The following LRRC71 variants were observed in gnomAD, a reference collection of about 807,000 sequenced individuals.
LRRC71 encodes leucine rich repeat containing 71.
In LRRC71, 54 loss-of-function variants were observed where a neutral mutation model predicts 66.6. The observed-to-expected ratio is 0.81, with a 90% CI of 0.65 to 1.02. The LOEUF (loss-of-function observed/expected upper bound fraction) is 1.02, where lower values mean the gene tolerates loss of function less well. Among genes scored for constraint, LRRC71 ranks in the 50% least tolerant of loss-of-function variants. The pLI is 0.00. For missense variants in LRRC71, 724 were observed against 718.0 expected (o/e 1.01, Z -0.10); for synonymous variants, 323 against 303.9 (o/e 1.06, Z -0.65).
chr1:156,935,977 A>G (rs1256188132), downstream of LRRC71: 19 of 1,605,562 alleles, frequency 1.2e-5, no homozygotes, highest in South Asian at 2.0e-4. Flanking sequence ...GTGGGGACGC[A>G]GAGGATTTGG....
In LRRC71 at chr1:156,920,694, C is replaced by G. The variant is rs967133273; in HGVS notation, c.-110C>G. On this transcript the variant is annotated 5_prime_UTR_variant, in exon 1 of 15. Transcript: ENST00000337428. The surrounding 1 kb of genome is among the most constrained non-coding windows in gnomAD (Gnocchi z 4.9). ...GGACGGGTCGGATCCGGTCCCTGGACGCGGAACAGAGATCCCCTGATTCAG... is the reference window on the plus strand; with the variant it reads ...GGACGGGTCGGATCCGGTCCCTGGAGGCGGAACAGAGATCCCCTGATTCAG... 3 of 1,267,724 alleles carry G rather than the reference C, an allele frequency of 2.4e-6. No homozygotes were observed. The highest frequency in any genetic ancestry group is 1.6e-5 in the African/African-American group (1 of 64,368). 78.5% of individuals were successfully genotyped at this position (1,267,724 alleles called of 1,614,324 possible).
chr1:156,936,480 G>GAAAAAAAA (rs35863393), downstream of LRRC71, among the ~76,000 whole-genome samples: 12 of 48,016 alleles, frequency 2.5e-4, no homozygotes, highest in African/African-American at 1.3e-3. Flanking sequence ...CAAATAAATA[G>GAAAAAAAA]AAAAAAAAAA....
chr1:156,937,011 A>T, downstream of LRRC71: 1 of 1,611,280 alleles, frequency 6.2e-7, no homozygotes, highest in Non-Finnish European at 8.5e-7. Flanking sequence ...ATATCCTGGA[A>T]GAGTCGGCGG....
chr1:156,937,393 C>A (rs549885681), downstream of LRRC71: 3 of 1,601,850 alleles, frequency 1.9e-6, no homozygotes, highest in East Asian at 6.7e-5. Flanking sequence ...GCTCTGTCTG[C>A]CCTGCAGGGA....
chr1:156,936,495 AAAATAT>A (rs1232405676), downstream of LRRC71, among the ~76,000 whole-genome samples: 47 of 57,096 alleles, frequency 8.2e-4, 1 homozygote, highest in Middle Eastern at 7.6e-3. Context: ...AAAAAAAAAA[AAAATAT>A]ATATATATAT....
chr1:156,928,450 CTCT>C (rs59190311), intron 9 of LRRC71, among the ~76,000 whole-genome samples: 46,420 of 136,682 alleles, frequency 0.34, 8,380 homozygotes, highest in East Asian at 0.53. Context: ...CTTCCTCCTC[CTCT>C]TCTTCTCCTT....
rs746273615 is a variant in LRRC71 at position 156,925,003 on chromosome 1, C to T, written c.581C>T (p.Ser194Leu). Residue 194 changes from serine to leucine, a missense_variant, in exon 5 of 15, where the codon TCA (serine) becomes TTA (leucine). Physicochemically the swap from Ser to Leu is moderately radical, Grantham distance 145. Transcript: ENST00000337428. ...TTCATCGAGCTCCTGCCTCTCTGTT[C>T]ATCCACGCTCAGGTCAGCAGACTGG... ...TTFIELLPLC[S>L]STLRKVSLEG... The T allele has an allele frequency of 1.9e-6, 3 of 1,551,610 alleles. No homozygotes were observed. The highest frequency in any genetic ancestry group is 2.7e-5 in the African/African-American group (2 of 73,048).
chr1:156,924,417 C>T lies in LRRC71; in HGVS notation c.311-7C>T. ...TGTTCCCCTCCCTCCTCACCTCTGC[C>T]TTCCAGACGATCCGCGGCTGTCGGG... On this transcript the variant is annotated splice_polypyrimidine_tract_variant and splice_region_variant and intron_variant, in intron 2 of 14. Transcript: ENST00000337428. 6.5e-7 allele frequency: 1 copy of T among 1,549,668 alleles called. No homozygotes were observed. Among genetic ancestry groups the T allele is most frequent in the South Asian group, 1.2e-5 (1 of 84,048 alleles).
intron 6 of LRRC71, 63 bp downstream of exon 6, chr1:156,927,333 G>T (rs1196605600): frequency 1.9e-6 from 3 of 1,581,942 alleles, no homozygotes; most frequent in Non-Finnish European, 1.7e-6. Context: ...GCCATTTTTA[G>T]TCCCCGCCCT....
chr1:156,924,225 G>A, intron 2 of LRRC71, 127 bp downstream of exon 2: 7 of 1,261,172 alleles, frequency 5.6e-6, no homozygotes, highest in Non-Finnish European at 7.6e-6. Flanking sequence ...GGTATTCGAC[G>A]AGGCCGGTGG....
At chr1:156,923,860 T>C (rs1455844298) in intron 1 of LRRC71, 89 bp from the exon 2 acceptor site, 4 of 1,326,638 alleles carry the variant, frequency 3.0e-6, no homozygotes, top group Non-Finnish European at 4.0e-6. Flanking sequence ...AATATCCGTC[T>C]GAGGAGGGCC....
At position 156,932,462 on chromosome 1, in the gene LRRC71, G is replaced by T. The variant is rs367820195; in HGVS notation, c.1480G>T (p.Ala494Ser). The change falls in exon 14 of 15, where the codon GCC becomes TCC. Residue 494 changes from alanine to serine, a missense_variant. Physicochemically the swap from Ala to Ser is moderately conservative, Grantham distance 99. Coordinates refer to ENST00000337428, the MANE Select transcript of LRRC71 (RefSeq NM_144702.3). ...AGAGGTGGGGCTGGAGGGCTTCCTC[G>T]CCACGGTGCAGTATCAGATGCAGTT... ...ITEVGLEGFL[A>S]TVQYQMQFSK... 6.2e-7 allele frequency: 1 copy of T among 1,613,792 alleles called. No homozygotes were observed. The highest frequency in any genetic ancestry group is 2.2e-5 in the East Asian group (1 of 44,882).
intron 5 of LRRC71, among the ~76,000 whole-genome samples, chr1:156,926,084 A>G (rs1653150943): frequency 6.6e-6 from 1 of 152,236 alleles, no homozygotes; most frequent in Non-Finnish European, 1.5e-5. Context: ...CCATTAGTTC[A>G]GTTTTTGCTG....
At chr1:156,927,866 C>T (rs1459159327) in intron 8 of LRRC71, 49 bp from the exon 9 acceptor site, 2 of 1,610,912 alleles carry the variant, frequency 1.2e-6, no homozygotes, top group South Asian at 1.1e-5. Flanking sequence ...CCGAGGGAGC[C>T]GACCCTGACT....
At chr1:156,935,549 C>T (rs1654894752), downstream of LRRC71, 1 of 160,008 alleles carries the variant, frequency 6.2e-6, no homozygotes, top group Non-Finnish European at 1.4e-5. Flanking sequence ...TTATAGGAAA[C>T]CAAAGTGACA....
Position 156,924,959 on chromosome 1 carries a change from C to A in LRRC71, c.537C>A (p.Thr179=). The change falls in exon 5 of 15, where the codon ACC becomes ACA. Residue 179 remains threonine (T), a synonymous_variant. Transcript: ENST00000337428. ...QAINLWKVGL[T]DKTLTTFIEL... Reference sequence around the variant, plus strand: ...ACAGCTTGTGGAAGGTGGGGCTGACCGATAAGACCCTGACCACCTTCATCG... The same window carrying A: ...ACAGCTTGTGGAAGGTGGGGCTGACAGATAAGACCCTGACCACCTTCATCG... 2 of 1,551,640 alleles carry A rather than the reference C, an allele frequency of 1.3e-6. No homozygotes were observed. Among genetic ancestry groups the A allele is most frequent in the South Asian group, 1.2e-5 (1 of 84,050 alleles).
chr1:156,924,952 G>A lies in LRRC71; in HGVS notation c.530G>A (p.Gly177Glu), dbSNP rs1652972863. The change falls in exon 5 of 15, where the codon GGG becomes GAG. Residue 177 changes from glycine (G) to glutamate (E), a missense_variant. By Grantham distance (98) the Gly-to-Glu change is moderately conservative. Transcript: ENST00000337428. ...QLQAINLWKVGLTDKTLTTFI... is the reference protein window; with the variant it reads ...QLQAINLWKVELTDKTLTTFI... ...GCCCACGACAGCTTGTGGAAGGTGG[G>A]GCTGACCGATAAGACCCTGACCACC... 6.4e-7 allele frequency: 1 copy of A among 1,551,678 alleles called. No homozygotes were observed. The highest frequency in any genetic ancestry group is 8.7e-7 in the Non-Finnish European group (1 of 1,146,984).
chr1:156,929,395 CT>C lies in LRRC71; in HGVS notation c.1113del (p.Lys372ArgfsTer44). 6.2e-7 allele frequency: 1 copy of C among 1,613,890 alleles called. No homozygotes were observed. Among genetic ancestry groups the C allele is most frequent in the Non-Finnish European group, 8.5e-7 (1 of 1,179,868 alleles). On this transcript the variant is annotated frameshift_variant, in exon 10 of 15. Coordinates refer to ENST00000337428, the MANE Select transcript of LRRC71 (RefSeq NM_144702.3). LOFTEE classifies it high-confidence loss of function. ...KTDKTQTMKT[P>X]KGLGKKKEKS... ...GACAAGACGCAGACAATGAAAACCC[CT>C]AAGGGCCTGGGCAAGAAAAAGGAGA...
chr1:156,927,302 G>A (rs1383246279), intron 6 of LRRC71, 32 bp downstream of exon 6: 8 of 1,605,044 alleles, frequency 5.0e-6, no homozygotes, highest in Non-Finnish European at 6.0e-6. Context: ...CCCTTTCTCT[G>A]GGCCTGTCTC....
Sources: allele counts gnomAD v4.1 joint callset (sites outside exome capture counted in the v4.1 genomes callset), GRCh38; gene constraint gnomAD v4.1.1; non-coding constraint Gnocchi (gnomAD v3.1); transcripts MANE v1.5; gene names NCBI Gene and HGNC (gene_info 2026-07-23, HGNC 2026-07-21).